ADAM12: variants seen among roughly 807,000 people sequenced by gnomAD.
ADAM12 encodes disintegrin and metalloproteinase domain-containing protein 12.
A neutral mutation model predicts 106.4 loss-of-function variants in ADAM12; 70 were observed. The ratio of observed to expected loss-of-function variants is 0.66; its 90% CI spans 0.54 to 0.80. ADAM12 has a LOEUF of 0.80. Among genes scored for constraint, ADAM12 ranks in the 30% least tolerant of loss-of-function variants. ADAM12 has a pLI of 0.00. For synonymous variants in ADAM12, 420 were observed against 433.5 expected, an observed-to-expected ratio of 0.97 and a Z score of 0.39; for missense variants, 1,010 against 1,171.9, an observed-to-expected ratio of 0.86 and a Z score of 2.02.
rs1954229322 is a variant in ADAM12 at position 126,043,360 on chromosome 10, T to C, written c.1996-212A>G. ...CTGTGAAGATGCATCATCTGCCTAT[T>C]AGTGGCTGTAAAGAGAGTGATGAAG... On this transcript the variant is annotated intron_variant, in intron 17 of 22. Coordinates refer to ENST00000448723, the MANE Select transcript of ADAM12 (RefSeq NM_001288973.2). The surrounding 1 kb of genome is among the most constrained non-coding windows in gnomAD (Gnocchi z 4.1). 6.6e-6 allele frequency among the ~76,000 whole-genome samples: 1 copy of C among 152,176 alleles called. No individual in the cohort carries two copies. Among genetic ancestry groups the C allele is most frequent in the Admixed American group, 6.5e-5 (1 of 15,280 alleles).
chr10:126,281,179 A>G (rs1328203521), intron 2 of ADAM12, among the ~76,000 whole-genome samples: 2 of 152,190 alleles, frequency 1.3e-5, no homozygotes, highest in Non-Finnish European at 2.9e-5. Context: ...TATTTACAAT[A>G]AAATATTAGA....
At chr10:126,376,803 C>CT (rs978484283) in intron 1 of ADAM12, among the ~76,000 whole-genome samples, 19 of 152,118 alleles carry the variant, frequency 1.2e-4, no homozygotes, top group African/African-American at 4.6e-4. Context: ...GTCAAGATAA[C>CT]TTTAAAAGGA....
At chr10:126,373,922 A>G (rs75304417) in intron 1 of ADAM12, among the ~76,000 whole-genome samples, 151 of 152,342 alleles carry the variant, frequency 9.9e-4, no homozygotes, top group African/African-American at 3.5e-3. Flanking sequence ...AACAGGAGGT[A>G]TGATCTTGAA....
intron 1 of ADAM12, among the ~76,000 whole-genome samples, chr10:126,376,456 T>C (rs934564346): frequency 3.3e-5 from 5 of 152,238 alleles, no homozygotes; most frequent in African/African-American, 1.2e-4. Context: ...TGTCTACTTC[T>C]GTGTATGTTT....
chr10:126,247,265 G>A (rs1157010616), intron 3 of ADAM12, among the ~76,000 whole-genome samples: 1 of 152,172 alleles, frequency 6.6e-6, no homozygotes, highest in Admixed American at 6.5e-5. Flanking sequence ...AAACATTGCT[G>A]CCTTTAGAGA....
At chr10:126,367,738 T>C (rs1855961543) in intron 1 of ADAM12, among the ~76,000 whole-genome samples, 1 of 151,958 alleles carries the variant, frequency 6.6e-6, no homozygotes, top group African/African-American at 2.4e-5. Flanking sequence ...CATTAAGTGA[T>C]AAGAAAATAT....
chr10:126,087,094 T>C (rs1676711), intron 11 of ADAM12, among the ~76,000 whole-genome samples: 106,028 of 151,378 alleles, frequency 0.7, 37,622 homozygotes, highest in East Asian at 0.82. Context: ...ATGCAGTCCT[T>C]CAGGGTCAAT....
At chr10:126,329,157 T>A (rs1232991555) in intron 2 of ADAM12, among the ~76,000 whole-genome samples, 1 of 152,030 alleles carries the variant, frequency 6.6e-6, no homozygotes, top group Non-Finnish European at 1.5e-5. Context: ...GTCCCAAATA[T>A]TGCACGAGAC....
At chr10:126,131,929 A>G (rs868617082) in intron 5 of ADAM12, among the ~76,000 whole-genome samples, 1 of 152,196 alleles carries the variant, frequency 6.6e-6, no homozygotes, top group African/African-American at 2.4e-5. Context: ...TCAGTAGCAT[A>G]AGCCTATCTC....
chr10:126,264,728 G>C (rs937266049), intron 3 of ADAM12, among the ~76,000 whole-genome samples: 2 of 151,880 alleles, frequency 1.3e-5, no homozygotes, highest in African/African-American at 4.8e-5. Context: ...TTGTTTTTTT[G>C]TTTTTTGTTT....
At chr10:126,171,176 T>A (rs550118704) in intron 3 of ADAM12, among the ~76,000 whole-genome samples, 12 of 152,224 alleles carry the variant, frequency 7.9e-5, no homozygotes, top group Admixed American at 2.0e-4. Context: ...TAATTTTCCA[T>A]AAGCGCTTAA....
At chr10:126,338,479 C>G (rs959633345) in intron 1 of ADAM12, among the ~76,000 whole-genome samples, 1 of 151,880 alleles carries the variant, frequency 6.6e-6, no homozygotes, top group Non-Finnish European at 1.5e-5. Context: ...GTCTCGATCT[C>G]CTGACCTCGT....
At chr10:126,086,680 A>AAATATAT (rs1554966976) in intron 11 of ADAM12, among the ~76,000 whole-genome samples, 1 of 24,274 alleles carries the variant, frequency 4.1e-5, no homozygotes, top group Admixed American at 7.9e-4. Flanking sequence ...AAAAAAAAAA[A>AAATATAT]ATATATATAT....
At chr10:126,098,118 G>A (rs887042822) in intron 10 of ADAM12, among the ~76,000 whole-genome samples, 1 of 152,216 alleles carries the variant, frequency 6.6e-6, no homozygotes, top group Non-Finnish European at 1.5e-5. Context: ...GCTCACCCCA[G>A]TGCTGCGAGG....
chr10:126,052,728 T>C (rs992155705), intron 14 of ADAM12, among the ~76,000 whole-genome samples: 1 of 152,138 alleles, frequency 6.6e-6, no homozygotes, highest in African/African-American at 2.4e-5. Flanking sequence ...GCTGCAAATG[T>C]ACTGGCAAAG....
chr10:126,078,444 G>A (rs1386831404), intron 11 of ADAM12, among the ~76,000 whole-genome samples: 3 of 151,978 alleles, frequency 2.0e-5, no homozygotes, highest in Non-Finnish European at 2.9e-5. Context: ...CTCCAGAAAC[G>A]GTCTTTGAAG....
rs917273592 is a variant in ADAM12 at position 126,041,269 on chromosome 10, C to A, written c.2104+1771G>T. ...AATGAGCCCCTGAGCCATGGCCAGG[C>A]CAGGGAGCAGTGAGCCATGCTTGCT... On this transcript the variant is annotated intron_variant, in intron 18 of 22. Transcript: ENST00000448723. 3.0e-5 allele frequency: 28 copies of A among 941,514 alleles called. No homozygotes were observed. The African/African-American group carries it at 4.4e-4, about 15-fold the overall frequency. 58.3% of individuals were successfully genotyped at this position (941,514 alleles called of 1,614,324 possible).
intron 6 of ADAM12, among the ~76,000 whole-genome samples, chr10:126,111,268 AC>A (rs969634402): frequency 5.9e-5 from 9 of 152,318 alleles, no homozygotes; most frequent in African/African-American, 1.9e-4. Context: ...AGAAACTGTT[AC>A]GCTTTGTAAC....
At chr10:126,193,080 A>G (rs1240649527) in intron 3 of ADAM12, among the ~76,000 whole-genome samples, 1 of 152,152 alleles carries the variant, frequency 6.6e-6, no homozygotes, top group Non-Finnish European at 1.5e-5. Flanking sequence ...CCTGGCTAAC[A>G]TGGTGAAACC....
Sources: allele counts gnomAD v4.1 joint callset (sites outside exome capture counted in the v4.1 genomes callset), GRCh38; gene constraint gnomAD v4.1.1; non-coding constraint Gnocchi (gnomAD v3.1); transcripts MANE v1.5; gene names NCBI Gene and HGNC (gene_info 2026-07-23, HGNC 2026-07-21).